FNDC3A: variants seen among roughly 807,000 people sequenced by gnomAD.
FNDC3A encodes fibronectin type III domain containing 3A.
FNDC3A carries 32 observed loss-of-function variants against 148.9 expected under a neutral mutation model. The observed-to-expected ratio is 0.21, with a 90% CI of 0.16 to 0.29. The LOEUF (loss-of-function observed/expected upper bound fraction) is 0.29, where lower values mean the gene tolerates loss of function less well. FNDC3A is among the 10% of genes least tolerant of loss of function. The probability of loss-of-function intolerance (pLI) is 1.00; values close to 1 mark genes in which losing one functional copy is unlikely to be tolerated. For synonymous variants in FNDC3A, 472 were observed against 473.6 expected (o/e 1.00, Z 0.04); for missense variants, 1,191 against 1,452.8 (o/e 0.82, Z 2.93).
intron 3 of FNDC3A, among the ~76,000 whole-genome samples, chr13:49,088,150 A>G (rs988231404): frequency 1.3e-5 from 2 of 152,170 alleles, no homozygotes; most frequent in African/African-American, 4.8e-5. Context: ...CCTTTTATAT[A>G]TGAATAATTA....
At chr13:49,048,394 A>C (rs1875577378) in intron 2 of FNDC3A, among the ~76,000 whole-genome samples, 1 of 152,076 alleles carries the variant, frequency 6.6e-6, no homozygotes, top group Non-Finnish European at 1.5e-5. Context: ...TCATTTTCAC[A>C]ATATTAATTC....
chr13:49,123,558 C>T (rs766311126), intron 4 of FNDC3A, among the ~76,000 whole-genome samples: 2 of 151,774 alleles, frequency 1.3e-5, no homozygotes, highest in Non-Finnish European at 2.9e-5. Flanking sequence ...TCAAAGTAAA[C>T]AGGCAGCCTG....
At chr13:49,203,681 A>G (rs902507199) in intron 25 of FNDC3A, among the ~76,000 whole-genome samples, 1 of 152,188 alleles carries the variant, frequency 6.6e-6, no homozygotes, top group East Asian at 1.9e-4. Context: ...GGGGGAGGGC[A>G]CTGAGTGTTA....
chr13:49,192,201 C>T (rs947497943), intron 19 of FNDC3A, among the ~76,000 whole-genome samples: 37 of 152,340 alleles, frequency 2.4e-4, no homozygotes, highest in African/African-American at 7.0e-4. Flanking sequence ...TGACAGTTCT[C>T]TCCTACCCAT....
chr13:49,145,953 T>A lies in FNDC3A; in HGVS notation c.977+18T>A, dbSNP rs367881475. On this transcript the variant is annotated intron_variant, in intron 8 of 25. Transcript: ENST00000492622. Reference sequence around the variant, plus strand: ...GTATATGTGTAGGTATTTGTTGTTTTGCTTTCTCCCATTGTGTAAATTAAT... The same window carrying A: ...GTATATGTGTAGGTATTTGTTGTTTAGCTTTCTCCCATTGTGTAAATTAAT... The A allele has an allele frequency of 1.3e-6, 2 of 1,584,748 alleles. No individual in the cohort carries two copies. The highest frequency in any genetic ancestry group is 1.7e-6 in the Non-Finnish European group (2 of 1,163,602).
chr13:49,132,850 T>C (rs2137928845), intron 5 of FNDC3A, among the ~76,000 whole-genome samples: 1 of 152,346 alleles, frequency 6.6e-6, no homozygotes, highest in African/African-American at 2.4e-5. Context: ...GCACTGAACT[T>C]TGTATCTTTC....
intron 3 of FNDC3A, among the ~76,000 whole-genome samples, chr13:49,097,481 A>C (rs1879607239): frequency 6.6e-6 from 1 of 152,106 alleles, no homozygotes; most frequent in South Asian, 2.1e-4. Context: ...TCTATGTCAG[A>C]GTAATGATGA....
chr13:49,019,148 C>T (rs947797833), intron 2 of FNDC3A, among the ~76,000 whole-genome samples: 1 of 152,264 alleles, frequency 6.6e-6, no homozygotes, highest in Non-Finnish European at 1.5e-5. Flanking sequence ...AGCTTCTGGG[C>T]TGCTTTGTTT....
intron 1 of FNDC3A, among the ~76,000 whole-genome samples, chr13:48,986,933 A>G (rs1436796840): frequency 6.6e-6 from 1 of 152,196 alleles, no homozygotes; most frequent in Non-Finnish European, 1.5e-5. Context: ...TAATATGGTT[A>G]AGTTATAGTA....
In FNDC3A at chr13:48,990,499, C is replaced by A. The variant is rs547034916; in HGVS notation, c.-40+14322C>A. Reference sequence around the variant, plus strand: ...AGGTGTGGTGGCTCGTGCCTGTAATCCCAGCACTTTCGGAGGCCAAGGCAG... The same window carrying A: ...AGGTGTGGTGGCTCGTGCCTGTAATACCAGCACTTTCGGAGGCCAAGGCAG... On this transcript the variant is annotated intron_variant, in intron 1 of 25. Transcript: ENST00000492622. Among the ~76,000 whole-genome samples, 126 of 150,160 alleles carry A rather than the reference C, an allele frequency of 8.4e-4. 1 individual carries two copies. Among genetic ancestry groups the A allele is most frequent in the Middle Eastern group, 6.9e-3 (2 of 290 alleles).
intron 3 of FNDC3A, among the ~76,000 whole-genome samples, chr13:49,085,572 T>C (rs1878753175): frequency 6.6e-6 from 1 of 152,160 alleles, no homozygotes; most frequent in South Asian, 2.1e-4. Context: ...AGAAGTTGTG[T>C]CTATTGTGTT....
At chr13:48,990,919 G>T (rs1360999754) in intron 1 of FNDC3A, among the ~76,000 whole-genome samples, 4 of 152,126 alleles carry the variant, frequency 2.6e-5, no homozygotes, top group Non-Finnish European at 5.9e-5. Context: ...TAAAACATGT[G>T]TATTGTAAAT....
At chr13:49,069,495 AT>A (rs1294560202) in intron 2 of FNDC3A, among the ~76,000 whole-genome samples, 3 of 152,030 alleles carry the variant, frequency 2.0e-5, no homozygotes, top group Non-Finnish European at 2.9e-5. Flanking sequence ...ACTTAATGTC[AT>A]TTCCGATCCT....
At chr13:49,196,534 C>T (rs930939832) in intron 19 of FNDC3A, among the ~76,000 whole-genome samples, 2 of 152,126 alleles carry the variant, frequency 1.3e-5, no homozygotes, top group Admixed American at 6.5e-5. Flanking sequence ...TACCATCTCC[C>T]GTACCTTTAA....
At chr13:49,177,573 A>G (rs1376027872) in intron 13 of FNDC3A, among the ~76,000 whole-genome samples, 2 of 152,228 alleles carry the variant, frequency 1.3e-5, no homozygotes, top group Non-Finnish European at 2.9e-5. Flanking sequence ...ATACAAAAAA[A>G]TTGTACACAA....
At chr13:49,082,410 A>G (rs901035097) in intron 3 of FNDC3A, among the ~76,000 whole-genome samples, 1 of 152,162 alleles carries the variant, frequency 6.6e-6, no homozygotes, top group African/African-American at 2.4e-5. Context: ...CCAACAGGAT[A>G]AAATTTAATA....
intron 1 of FNDC3A, among the ~76,000 whole-genome samples, chr13:48,995,504 T>C (rs569248853): frequency 6.6e-6 from 1 of 152,248 alleles, no homozygotes; most frequent in Admixed American, 6.5e-5. Flanking sequence ...TTAATATCAG[T>C]CATTGAAAAT....
chr13:49,051,667 G>C (rs1408448573), intron 2 of FNDC3A, among the ~76,000 whole-genome samples: 1 of 152,128 alleles, frequency 6.6e-6, no homozygotes, highest in East Asian at 1.9e-4. Context: ...TAATCTTTTT[G>C]TGATGAATTT....
At chr13:49,054,818 C>G (rs993911978) in intron 2 of FNDC3A, among the ~76,000 whole-genome samples, 16 of 152,226 alleles carry the variant, frequency 1.1e-4, no homozygotes, top group Non-Finnish European at 1.0e-4. Flanking sequence ...CCTCGGAGGT[C>G]CTGCTTCCCA....
Sources: allele counts gnomAD v4.1 joint callset (sites outside exome capture counted in the v4.1 genomes callset), GRCh38; gene constraint gnomAD v4.1.1; transcripts MANE v1.5; gene names NCBI Gene and HGNC (gene_info 2026-07-23, HGNC 2026-07-21).